DERA: variants seen among roughly 807,000 people sequenced by gnomAD.
The protein encoded by DERA is deoxyribose-phosphate aldolase.
Under a neutral mutation model 41.1 loss-of-function variants are expected in DERA, and 15 were observed. The observed-to-expected ratio is 0.37, with a 90% CI of 0.24 to 0.56. DERA has a LOEUF of 0.56. DERA is among the 20% of genes least tolerant of loss of function. The pLI is 0.81. For missense variants in DERA, 396 were observed against 403.4 expected (o/e 0.98, Z 0.16); for synonymous variants, 139 against 137.4 (o/e 1.01, Z -0.08).
chr12:15,967,364 C>T lies in DERA; in HGVS notation c.508+4417C>T, dbSNP rs1592024439. Among the ~76,000 whole-genome samples the T allele has an allele frequency of 1.3e-5, 2 of 151,956 alleles. No homozygotes were observed. The highest frequency in any genetic ancestry group is 1.9e-4 in the East Asian group (1 of 5,152). On this transcript the variant is annotated intron_variant, in intron 5 of 8. Transcript: ENST00000428559. This position sits in a 1 kb window ranked among gnomAD's most constrained non-coding sequence, Gnocchi z 4.9. ...GCCACTGCACTCATAAGCCACTGCG[C>T]CTGGCCTAATAGATTTATTTCTGAA...
chr12:15,949,413 C>G (rs1432164474), intron 1 of DERA, among the ~76,000 whole-genome samples: 1 of 152,170 alleles, frequency 6.6e-6, no homozygotes, highest in Non-Finnish European at 1.5e-5. Flanking sequence ...CACCCCTCCC[C>G]CAGCCTCACT....
In DERA at chr12:16,021,665, C is replaced by T. The variant is rs959494714; in HGVS notation, c.638-10877C>T. ...AGCTTTCCAAGGACTTAGGAGCCCA[C>T]CTCTTTCACCAGTGTGCCCTGGATG... On this transcript the variant is annotated intron_variant, in intron 6 of 8. Transcript: ENST00000428559. The surrounding 1 kb of genome is among the most constrained non-coding windows in gnomAD (Gnocchi z 5.3). 2.6e-5 allele frequency among the ~76,000 whole-genome samples: 4 copies of T among 152,230 alleles called. No individual in the cohort carries two copies. The highest frequency in any genetic ancestry group is 9.6e-5 in the African/African-American group (4 of 41,458).
At chr12:15,986,503 G>T (rs1009746928) in intron 6 of DERA, among the ~76,000 whole-genome samples, 1 of 151,998 alleles carries the variant, frequency 6.6e-6, no homozygotes, top group African/African-American at 2.4e-5. Flanking sequence ...ATTTTTAAGT[G>T]GTTGCTCTAA....
At chr12:15,927,826 T>G (rs1209790004) in intron 1 of DERA, among the ~76,000 whole-genome samples, 1 of 152,216 alleles carries the variant, frequency 6.6e-6, no homozygotes, top group East Asian at 1.9e-4. Flanking sequence ...AAATGCTTTT[T>G]TTAAAAATTA....
At chr12:16,024,680 T>C (rs909717601) in intron 6 of DERA, among the ~76,000 whole-genome samples, 1 of 150,730 alleles carries the variant, frequency 6.6e-6, no homozygotes, top group Non-Finnish European at 1.5e-5. Flanking sequence ...CCACTCTTAT[T>C]ACGCTGTAAT....
chr12:15,991,894 G>A (rs1051040012), intron 6 of DERA, among the ~76,000 whole-genome samples: 4 of 151,914 alleles, frequency 2.6e-5, no homozygotes, highest in Admixed American at 6.6e-5. Flanking sequence ...TTATAGCTTT[G>A]TCCCCACTCC....
chr12:16,035,269 A>G lies in DERA; in HGVS notation c.751-963A>G, dbSNP rs1361007885. Among the ~76,000 whole-genome samples the G allele has an allele frequency of 6.6e-6, 1 of 152,218 alleles. No homozygotes were observed. Among genetic ancestry groups the G allele is most frequent in the East Asian group, 1.9e-4 (1 of 5,170 alleles). On this transcript the variant is annotated intron_variant, in intron 7 of 8. Transcript: ENST00000428559. The surrounding 1 kb of genome is among the most constrained non-coding windows in gnomAD (Gnocchi z 4.1). ...GGTTTCCTGCTTGGGTTGATAATAG[A>G]ATATATTCATTTAATGTCTCCCTTC...
rs1948425870 is a variant in DERA, at chr12:15,943,793, T to G, written c.32-13143T>G. On this transcript the variant is annotated intron_variant, in intron 1 of 8. Transcript: ENST00000428559. This position sits in a 1 kb window ranked among gnomAD's most constrained non-coding sequence, Gnocchi z 4.5. ...ATGCACAATGTGCAGGTTTGTTACA[T>G]GTGTATACATGTGCCATGTTGGTGT... Among the ~76,000 whole-genome samples the G allele has an allele frequency of 6.6e-6, 1 of 151,890 alleles. No individual in the cohort carries two copies. Among genetic ancestry groups the G allele is most frequent in the Non-Finnish European group, 1.5e-5 (1 of 67,966 alleles).
At chr12:15,945,182 C>T (rs1175887425) in intron 1 of DERA, among the ~76,000 whole-genome samples, 1 of 152,154 alleles carries the variant, frequency 6.6e-6, no homozygotes, top group Non-Finnish European at 1.5e-5. Flanking sequence ...CAGCTTTGTT[C>T]TTTTGGCTTA....
At chr12:15,974,061 G>A (rs1948681645) in intron 5 of DERA, among the ~76,000 whole-genome samples, 1 of 152,012 alleles carries the variant, frequency 6.6e-6, no homozygotes, top group South Asian at 2.1e-4. Flanking sequence ...TGTGAAGTGT[G>A]TACATACATA....
In DERA at chr12:15,989,768, T is replaced by G. The variant is rs1478631710; in HGVS notation, c.637+7332T>G. Among the ~76,000 whole-genome samples, 2 of 152,264 alleles carry G rather than the reference T, an allele frequency of 1.3e-5. No homozygotes were observed. The highest frequency in any genetic ancestry group is 3.8e-4 in the East Asian group (2 of 5,206). ...TAGATTATGGTCAAAAAGAAATTCT[T>G]TGGAGACCAGGTAGAGATATCTAAC... On this transcript the variant is annotated intron_variant, in intron 6 of 8. Coordinates refer to ENST00000428559, the MANE Select transcript of DERA (RefSeq NM_015954.4). This position sits in a 1 kb window ranked among gnomAD's most constrained non-coding sequence, Gnocchi z 5.2.
Position 15,998,694 on chromosome 12 carries a change from C to G in DERA, c.637+16258C>G, listed in dbSNP as rs913083532. On this transcript the variant is annotated intron_variant, in intron 6 of 8. Coordinates refer to ENST00000428559, the MANE Select transcript of DERA (RefSeq NM_015954.4). This position sits in a 1 kb window ranked among gnomAD's most constrained non-coding sequence, Gnocchi z 4.8. ...GCTTCAGATTCTGAGGTAGGAAGCA[C>G]CTTTAGCATAGGCAGTCCACAGTTA... Among the ~76,000 whole-genome samples, 4 of 152,102 alleles carry G rather than the reference C, an allele frequency of 2.6e-5. No individual in the cohort carries two copies. The South Asian group carries it at 8.3e-4, about 31-fold the overall frequency.
rs1948949668 is a variant in DERA, at chr12:16,012,015, CA to C, written c.638-20526del. 6.6e-6 allele frequency among the ~76,000 whole-genome samples: 1 copy of C among 152,048 alleles called. No homozygotes were observed. Among genetic ancestry groups the C allele is most frequent in the Admixed American group, 6.5e-5 (1 of 15,278 alleles). ...TAGGCAATCAAACCAAGAAAAAACA[CA>C]TAAAACATGCATAACTAAGTCAGTG... On this transcript the variant is annotated intron_variant, in intron 6 of 8. Transcript: ENST00000428559. The surrounding 1 kb of genome is among the most constrained non-coding windows in gnomAD (Gnocchi z 4.1).
In DERA at chr12:15,911,389, C is replaced by A; in HGVS notation, c.6C>A (p.Ser2=). The change falls in exon 1 of 9, where the codon TCC becomes TCA. Residue 2 remains serine (S), a synonymous_variant. Coordinates refer to ENST00000428559, the MANE Select transcript of DERA (RefSeq NM_015954.4). This position sits in a 1 kb window ranked among gnomAD's most constrained non-coding sequence, Gnocchi z 4.5. Reference sequence around the variant, plus strand: ...GCTCCGGAGCTGCCCGCGCCATGTCCGCGCACAATCGGGGCACCGAGCTCG... The same window carrying A: ...GCTCCGGAGCTGCCCGCGCCATGTCAGCGCACAATCGGGGCACCGAGCTCG... The part of the protein sequence containing the change: M[S]AHNRGTELDL... 7 of 1,404,686 alleles carry A rather than the reference C, an allele frequency of 5.0e-6. No homozygotes were observed. The highest frequency in any genetic ancestry group is 6.4e-6 in the Non-Finnish European group (7 of 1,091,686). The allele number at this position is 1,404,686 out of a possible 1,614,324, so 87.0% of individuals were successfully genotyped here.
Position 16,003,714 on chromosome 12 carries a change from C to G in DERA, c.637+21278C>G, listed in dbSNP as rs1948891319. Among the ~76,000 whole-genome samples, 1 of 152,126 alleles carries G rather than the reference C, an allele frequency of 6.6e-6. No homozygotes were observed. Among genetic ancestry groups the G allele is most frequent in the Middle Eastern group, 3.2e-3 (1 of 316 alleles). ...GAAACAAGAGTGTCAATTTCTGGCT[C>G]ATGAGTGAGAAGTATTCCTCCTTAG... On this transcript the variant is annotated intron_variant, in intron 6 of 8. Transcript: ENST00000428559. This position sits in a 1 kb window ranked among gnomAD's most constrained non-coding sequence, Gnocchi z 4.8.
chr12:16,016,992 C>T (rs1948987327), intron 6 of DERA, among the ~76,000 whole-genome samples: 2 of 152,038 alleles, frequency 1.3e-5, no homozygotes, highest in South Asian at 2.1e-4. Context: ...GTGCTTGTTT[C>T]GATCAGGTGC....
chr12:16,029,383 C>T (rs957002041), intron 6 of DERA, among the ~76,000 whole-genome samples: 3 of 152,024 alleles, frequency 2.0e-5, no homozygotes, highest in Non-Finnish European at 4.4e-5. Flanking sequence ...GCCGAGATCG[C>T]GCCACTGCAC....
rs1479470583 is a variant in DERA at position 16,001,186 on chromosome 12, GC to G, written c.637+18751del. Among the ~76,000 whole-genome samples, 6 of 152,136 alleles carry G rather than the reference GC, an allele frequency of 3.9e-5. No individual in the cohort carries two copies. The highest frequency in any genetic ancestry group is 8.8e-5 in the Non-Finnish European group (6 of 68,014). On this transcript the variant is annotated intron_variant, in intron 6 of 8. Coordinates refer to ENST00000428559, the MANE Select transcript of DERA (RefSeq NM_015954.4). This position sits in a 1 kb window ranked among gnomAD's most constrained non-coding sequence, Gnocchi z 4.1. The stretch of plus-strand genomic sequence containing the variant: ...CCCATTAGAGGATGGGTCAGTAGGT[GC>G]AGCAAACCACCACGGCACACGTACA...
chr12:15,962,754 G>A, intron 4 of DERA, 59 bp from the exon 5 acceptor site: 1 of 1,448,342 alleles, frequency 6.9e-7, no homozygotes, highest in Non-Finnish European at 9.3e-7. Flanking sequence ...TCCCCCCCTT[G>A]CTTACTTTCT....
Sources: allele counts gnomAD v4.1 joint callset (sites outside exome capture counted in the v4.1 genomes callset), GRCh38; gene constraint gnomAD v4.1.1; non-coding constraint Gnocchi (gnomAD v3.1); transcripts MANE v1.5; gene names NCBI Gene and HGNC (gene_info 2026-07-23, HGNC 2026-07-21).